NKD1: variants seen among roughly 807,000 people sequenced by gnomAD.
The protein encoded by NKD1 is NKD inhibitor of Wnt signaling pathway 1.
Under a neutral mutation model 56.0 loss-of-function variants are expected in NKD1, and 21 were observed. That is an observed-to-expected ratio of 0.38 (90% CI 0.27 to 0.54). The LOEUF is 0.54. NKD1 is among the 20% of genes least tolerant of loss of function. The probability of loss-of-function intolerance (pLI) is 0.82; values close to 1 mark genes in which losing one functional copy is unlikely to be tolerated. For synonymous variants in NKD1, 263 were observed against 265.7 expected (o/e 0.99, Z 0.10); for missense variants, 578 against 642.7 (o/e 0.90, Z 1.09).
chr16:50,571,954 C>T (rs1160651496), intron 3 of NKD1, among the ~76,000 whole-genome samples: 3 of 152,198 alleles, frequency 2.0e-5, no homozygotes, highest in Non-Finnish European at 2.9e-5. Context: ...CACCTCACTC[C>T]GTCCCAGCCG....
At chr16:50,595,005 G>C (rs1157305595) in intron 3 of NKD1, among the ~76,000 whole-genome samples, 3 of 152,214 alleles carry the variant, frequency 2.0e-5, no homozygotes, top group Non-Finnish European at 4.4e-5. Context: ...GACCCACTAC[G>C]TTTTCCTTTG....
intron 3 of NKD1, among the ~76,000 whole-genome samples, chr16:50,580,589 A>G (rs1358108255): frequency 2.0e-5 from 3 of 152,232 alleles, no homozygotes. Flanking sequence ...TTTTGGCAGA[A>G]ATTGCAACCT....
Position 50,598,813 on chromosome 16 carries a change from G to A in NKD1, c.193-9481G>A, listed in dbSNP as rs185553490. Among the ~76,000 whole-genome samples the A allele has an allele frequency of 2.0e-5, 3 of 152,116 alleles. No individual in the cohort carries two copies. The highest frequency in any genetic ancestry group is 2.0e-4 in the Admixed American group (3 of 15,288). ...GCAGTGGTGTGGCAGGATCAGTGGTGCGATGTGCAGTGGCATGGTAGAGTC... is the reference window on the plus strand; with the variant it reads ...GCAGTGGTGTGGCAGGATCAGTGGTACGATGTGCAGTGGCATGGTAGAGTC... On this transcript the variant is annotated intron_variant, in intron 3 of 9. Transcript: ENST00000268459. This position sits in a 1 kb window ranked among gnomAD's most constrained non-coding sequence, Gnocchi z 4.2.
intron 4 of NKD1, among the ~76,000 whole-genome samples, chr16:50,609,403 G>T (rs1961791240): frequency 1.3e-5 from 2 of 152,358 alleles, no homozygotes; most frequent in South Asian, 4.1e-4. Flanking sequence ...CAAATGGGGG[G>T]CTGCCTTATA....
rs368904480 is a variant in NKD1 at position 50,596,146 on chromosome 16, G to C, written c.193-12148G>C. 2.2e-4 allele frequency among the ~76,000 whole-genome samples: 33 copies of C among 152,302 alleles called. No homozygotes were observed. In the South Asian group the frequency reaches 5.4e-3, roughly 25 times the overall value. On this transcript the variant is annotated intron_variant, in intron 3 of 9. Coordinates refer to ENST00000268459, the MANE Select transcript of NKD1 (RefSeq NM_033119.5). Reference sequence around the variant, plus strand: ...AGAAGCAGGCATGGGTGTGGCTGTGGCCTCTTTGTGGCCTGGGTGCACTGT... The same window carrying C: ...AGAAGCAGGCATGGGTGTGGCTGTGCCCTCTTTGTGGCCTGGGTGCACTGT...
chr16:50,567,918 C>T (rs1399390691), intron 3 of NKD1, among the ~76,000 whole-genome samples: 1 of 152,230 alleles, frequency 6.6e-6, no homozygotes, highest in East Asian at 1.9e-4. Context: ...TTTCACTCCC[C>T]AAGATTTTTG....
Position 50,599,532 on chromosome 16 carries a change from G to T in NKD1, c.193-8762G>T, listed in dbSNP as rs180768531. ...GTCATCGCAGAGCCCAGCTTCTAGGGCTGCTGGGAGCACTTGGTCGGTGAT... is the reference window on the plus strand; with the variant it reads ...GTCATCGCAGAGCCCAGCTTCTAGGTCTGCTGGGAGCACTTGGTCGGTGAT... On this transcript the variant is annotated intron_variant, in intron 3 of 9. Transcript: ENST00000268459. Among the ~76,000 whole-genome samples, 197 of 152,320 alleles carry T rather than the reference G, an allele frequency of 1.3e-3. 2 individuals carry two copies. Among genetic ancestry groups the T allele is most frequent in the Admixed American group, 1.3e-3 (20 of 15,298 alleles).
intron 1 of NKD1, 29 bp downstream of exon 1, chr16:50,548,607 C>G (rs1195997706): frequency 6.9e-7 from 1 of 1,449,290 alleles, no homozygotes; most frequent in Middle Eastern, 2.1e-4. Context: ...GCGCTCGCCC[C>G]GGGCCCCGCC....
chr16:50,625,843 G>GT (rs899069534), intron 6 of NKD1, among the ~76,000 whole-genome samples: 1 of 93,756 alleles, frequency 1.1e-5, no homozygotes, highest in African/African-American at 3.2e-5. Flanking sequence ...AAAGAAGTTG[G>GT]GGGGGGCAGG....
rs114562991 is a variant in NKD1, at chr16:50,606,878, A to G, written c.193-1416A>G. 4.4e-3 allele frequency: 2,015 copies of G among 456,642 alleles called. 33 individuals are homozygous for G. The highest frequency in any genetic ancestry group is 0.036 in the African/African-American group (1,808 of 50,174). The allele number at this position is 456,642 out of a possible 1,614,324, so 28.3% of individuals were successfully genotyped here. ...TCTTCTGCATGAAAGATGGGCTTCA[A>G]TTGGCTGCTGGGGCGTCCCAGCCAT... On this transcript the variant is annotated intron_variant, in intron 3 of 9. Transcript: ENST00000268459.
intron 5 of NKD1, among the ~76,000 whole-genome samples, chr16:50,621,967 G>C (rs1439297631): frequency 6.6e-6 from 1 of 152,256 alleles, no homozygotes; most frequent in African/African-American, 2.4e-5. Flanking sequence ...TTGGGAGAGG[G>C]CATGAGAGTA....
chr16:50,606,602 C>A, intron 3 of NKD1: 1 of 365,848 alleles, frequency 2.7e-6, no homozygotes, highest in South Asian at 2.0e-5. Flanking sequence ...GGGTCCCACA[C>A]GGCTGCCTTG....
intron 3 of NKD1, chr16:50,573,052 G>C (rs1371728093): frequency 6.2e-6 from 1 of 162,024 alleles, no homozygotes. Flanking sequence ...GAAACTAGTA[G>C]TTGAATCTTC....
chr16:50,572,781 C>G, intron 3 of NKD1: 1 of 593,644 alleles, frequency 1.7e-6, no homozygotes, highest in Non-Finnish European at 2.1e-6. Context: ...GTCCCTGAGT[C>G]CGACAGAGAC....
At chr16:50,601,420 G>A (rs1961593552) in intron 3 of NKD1, among the ~76,000 whole-genome samples, 3 of 152,228 alleles carry the variant, frequency 2.0e-5, no homozygotes, top group Admixed American at 1.3e-4. Flanking sequence ...AGGGTTCACC[G>A]AACAGACACT....
At chr16:50,619,491 T>C (rs1380284840) in intron 4 of NKD1, among the ~76,000 whole-genome samples, 9 of 152,220 alleles carry the variant, frequency 5.9e-5, no homozygotes, top group Admixed American at 5.9e-4. Flanking sequence ...TCAAGGGCCT[T>C]GTCCAAAGCT....
chr16:50,593,937 A>G (rs1003473261), intron 3 of NKD1, among the ~76,000 whole-genome samples: 6 of 152,172 alleles, frequency 3.9e-5, no homozygotes, highest in Non-Finnish European at 8.8e-5. Flanking sequence ...GGCGCTGGAG[A>G]CCAGGGGCTT....
At position 50,634,514 on chromosome 16, in the gene NKD1, C is replaced by G. The variant is rs1218987484; in HGVS notation, c.*733C>G. 2 of 152,316 alleles carry G rather than the reference C, an allele frequency of 1.3e-5. No homozygotes were observed. Among genetic ancestry groups the G allele is most frequent in the South Asian group, 2.1e-4 (1 of 4,822 alleles). The allele number at this position is 152,316 out of a possible 1,614,324, so 9.4% of individuals were successfully genotyped here. A position where few individuals can be genotyped will look rare whatever the true frequency, so the allele number is the denominator to read the frequency against. ...TTTAAGGACTATCCCTGAGACCATC[C>G]TTCTCATTTTGGAAACTGCTAGGGA... On this transcript the variant is annotated 3_prime_UTR_variant, in exon 10 of 10. Coordinates refer to ENST00000268459, the MANE Select transcript of NKD1 (RefSeq NM_033119.5).
intron 3 of NKD1, among the ~76,000 whole-genome samples, chr16:50,596,546 C>T (rs891606694): frequency 2.0e-5 from 3 of 152,338 alleles, no homozygotes; most frequent in South Asian, 2.1e-4. Context: ...CGTGGAAACA[C>T]GTGCAGATAA....
Sources: allele counts gnomAD v4.1 joint callset (sites outside exome capture counted in the v4.1 genomes callset), GRCh38; gene constraint gnomAD v4.1.1; non-coding constraint Gnocchi (gnomAD v3.1); transcripts MANE v1.5; gene names NCBI Gene and HGNC (gene_info 2026-07-23, HGNC 2026-07-21).